TMEM131: variants seen among roughly 807,000 people sequenced by gnomAD.
TMEM131 encodes the protein 2610524E03Rik.
TMEM131 carries 66 observed loss-of-function variants against 211.6 expected under a neutral mutation model. The ratio of observed to expected loss-of-function variants is 0.31; its 90% CI spans 0.26 to 0.38. The LOEUF is 0.38. TMEM131 is among the 10% of genes least tolerant of loss of function. TMEM131 has a pLI of 1.00. For missense variants in TMEM131, 2,036 were observed against 2,299.3 expected, an observed-to-expected ratio of 0.89 and a Z score of 2.34; for synonymous variants, 844 against 841.3, an observed-to-expected ratio of 1.00 and a Z score of -0.06.
At position 97,870,428 on chromosome 2, in the gene TMEM131, T is replaced by A. The variant is rs529779457; in HGVS notation, c.360-11001A>T. On this transcript the variant is annotated intron_variant, in intron 4 of 40. Transcript: ENST00000186436. ...GGTCCTGTTTGTTTCCATTACTGGCTGTCCAAAGACAGAAGTAGGGCCAAA... is the reference window on the plus strand; with the variant it reads ...GGTCCTGTTTGTTTCCATTACTGGCAGTCCAAAGACAGAAGTAGGGCCAAA... 2.6e-5 allele frequency among the ~76,000 whole-genome samples: 4 copies of A among 152,224 alleles called. No homozygotes were observed. The South Asian group carries it at 8.3e-4, about 32-fold the overall frequency.
At chr2:97,831,932 G>A (rs12052222) in intron 11 of TMEM131, among the ~76,000 whole-genome samples, 1 of 143,576 alleles carries the variant, frequency 7.0e-6, no homozygotes, top group South Asian at 2.2e-4. Flanking sequence ...CTCCCAAAGT[G>A]CTGGGATTAC....
At chr2:97,918,181 C>A (rs1023703652) in intron 2 of TMEM131, among the ~76,000 whole-genome samples, 36 of 151,954 alleles carry the variant, frequency 2.4e-4, no homozygotes, top group African/African-American at 7.7e-4. Context: ...TGACCACAGG[C>A]GATCCACCGG....
At chr2:97,846,889 C>T (rs558119469) in intron 5 of TMEM131, among the ~76,000 whole-genome samples, 13 of 152,204 alleles carry the variant, frequency 8.5e-5, no homozygotes, top group African/African-American at 2.9e-4. Flanking sequence ...CTGTATTGGA[C>T]GTGCAAAGAG....
chr2:97,958,295 AGAGAT>A (rs1678663929), intron 1 of TMEM131, among the ~76,000 whole-genome samples: 1 of 152,174 alleles, frequency 6.6e-6, no homozygotes, highest in Non-Finnish European at 1.5e-5. Context: ...GGCAAGTGGC[AGAGAT>A]GAGAGGACAG....
intron 4 of TMEM131, among the ~76,000 whole-genome samples, chr2:97,878,408 T>C (rs536155117): frequency 1.3e-5 from 2 of 152,370 alleles, no homozygotes; most frequent in East Asian, 1.9e-4. Context: ...CACGTATGTT[T>C]ACTGTGGCAC....
chr2:97,896,070 C>T (rs367584425), intron 3 of TMEM131, among the ~76,000 whole-genome samples: 32 of 152,150 alleles, frequency 2.1e-4, no homozygotes, highest in East Asian at 7.7e-4. Flanking sequence ...ATTGTGTCTT[C>T]GTTCTCATTG....
Position 97,837,064 on chromosome 2 carries a change from G to T in TMEM131, c.804+13C>A. On this transcript the variant is annotated intron_variant, in intron 8 of 40. Transcript: ENST00000186436. ...TGGGAGCACACACAAGAGAAAACTAGGTTACAACTCACCCACAGTTTTCTG... is the reference window on the plus strand; with the variant it reads ...TGGGAGCACACACAAGAGAAAACTATGTTACAACTCACCCACAGTTTTCTG... The T allele has an allele frequency of 6.2e-7, 1 of 1,610,452 alleles. No individual in the cohort carries two copies. The highest frequency in any genetic ancestry group is 8.5e-7 in the Non-Finnish European group (1 of 1,177,432).
intron 5 of TMEM131, among the ~76,000 whole-genome samples, chr2:97,850,421 C>A (rs931018595): frequency 3.3e-4 from 50 of 151,928 alleles, no homozygotes; most frequent in African/African-American, 9.2e-4. Flanking sequence ...GAATACATAC[C>A]AGTGGTCTAA....
chr2:97,820,009 T>C (rs756805454), intron 11 of TMEM131, among the ~76,000 whole-genome samples: 5 of 152,252 alleles, frequency 3.3e-5, no homozygotes, highest in African/African-American at 4.8e-5. Context: ...TCTGATTATA[T>C]GATAATGATC....
In TMEM131 at chr2:97,832,315, G is replaced by C. The variant is rs1005977097; in HGVS notation, c.1074+1050C>G. On this transcript the variant is annotated intron_variant, in intron 11 of 40. Coordinates refer to ENST00000186436, the MANE Select transcript of TMEM131 (RefSeq NM_015348.2). The stretch of plus-strand genomic sequence containing the variant: ...AATATGTTTATTGAAAAAGATACTT[G>C]TTTCAGTCCATTTATTGTACGTAAA... Among the ~76,000 whole-genome samples the C allele has an allele frequency of 1.4e-4, 22 of 152,152 alleles. 1 individual carries two copies. Among genetic ancestry groups the C allele is most frequent in the Admixed American group, 1.0e-3 (16 of 15,276 alleles).
At chr2:97,853,246 T>C (rs1025657935) in intron 5 of TMEM131, among the ~76,000 whole-genome samples, 1 of 152,162 alleles carries the variant, frequency 6.6e-6, no homozygotes, top group Non-Finnish European at 1.5e-5. Context: ...CTGATGGATC[T>C]GGGCAAAGTC....
At chr2:97,954,806 CAAAAAAAAAAA>C (rs778680522) in intron 1 of TMEM131, among the ~76,000 whole-genome samples, 3 of 37,056 alleles carry the variant, frequency 8.1e-5, no homozygotes, top group South Asian at 1.1e-3. Flanking sequence ...AACTCCATCT[CAAAAAAAAAAA>C]AAAAAAAAAA....
intron 5 of TMEM131, among the ~76,000 whole-genome samples, chr2:97,850,111 C>A (rs1272853358): frequency 6.6e-6 from 1 of 150,834 alleles, no homozygotes; most frequent in Non-Finnish European, 1.5e-5. Flanking sequence ...ATGAAAAAAA[C>A]AAAACAAAAC....
In TMEM131 at chr2:97,995,557, G is replaced by C. The variant is rs1365869073; in HGVS notation, c.106C>G (p.Arg36Gly). ...CCTAGGAGGCCGGCGGCCGCGCTCC[G>C]CGGGCCCCCGCTACGGGCGGCCGCA... The part of the protein sequence containing the change: ...EPAAARSGGP[R>G]SAAAGLLGAL... The change falls in exon 1 of 41, where the codon CGG becomes GGG. Residue 36 changes from arginine to glycine, a missense_variant. By Grantham distance (125) the Arg-to-Gly change is moderately radical. Coordinates refer to ENST00000186436, the MANE Select transcript of TMEM131 (RefSeq NM_015348.2). The C allele has an allele frequency of 1.5e-6, 2 of 1,320,440 alleles. No individual in the cohort carries two copies. The highest frequency in any genetic ancestry group is 1.9e-6 in the Non-Finnish European group (2 of 1,033,326). The allele number at this position is 1,320,440 out of a possible 1,614,324, so 81.8% of individuals were successfully genotyped here.
intron 3 of TMEM131, among the ~76,000 whole-genome samples, chr2:97,888,745 C>T (rs574765152): frequency 4.6e-5 from 7 of 152,130 alleles, no homozygotes; most frequent in African/African-American, 1.4e-4. Flanking sequence ...CAGGGCCTAA[C>T]GCTGATATAA....
chr2:97,990,328 A>C (rs1160479214), intron 1 of TMEM131, among the ~76,000 whole-genome samples: 1 of 152,178 alleles, frequency 6.6e-6, no homozygotes, highest in Non-Finnish European at 1.5e-5. Flanking sequence ...AAAAAAAAAA[A>C]AGTACATTTT....
chr2:97,937,891 G>T (rs911335303), intron 1 of TMEM131, among the ~76,000 whole-genome samples: 1 of 152,142 alleles, frequency 6.6e-6, no homozygotes, highest in Non-Finnish European at 1.5e-5. Flanking sequence ...ATTCTTAAAA[G>T]AATTTTCAAC....
chr2:97,993,347 T>C (rs1488382314), intron 1 of TMEM131, among the ~76,000 whole-genome samples: 1 of 152,198 alleles, frequency 6.6e-6, no homozygotes, highest in East Asian at 1.9e-4. Flanking sequence ...CAACAGTACC[T>C]TTTAGGACAA....
At chr2:97,842,943 C>G (rs1405866244) in intron 6 of TMEM131, among the ~76,000 whole-genome samples, 1 of 151,998 alleles carries the variant, frequency 6.6e-6, no homozygotes, top group Non-Finnish European at 1.5e-5. Context: ...TAAGCAACCG[C>G]TAAAGATTTA....
Sources: gnomAD v4.1 joint callset for allele counts (sites outside exome capture counted in the v4.1 genomes callset) on GRCh38, gnomAD v4.1.1 for gene constraint, MANE v1.5 for transcripts, NCBI Gene and HGNC (gene_info 2026-07-23, HGNC 2026-07-21) for gene names.